DTNA: variants seen among roughly 807,000 people sequenced by gnomAD.
The protein encoded by DTNA is dystrobrevin alpha, also known as dystrophin-related protein 3.
A neutral mutation model predicts 100.7 loss-of-function variants in DTNA; 43 were observed. The ratio of observed to expected loss-of-function variants is 0.43; its 90% CI spans 0.33 to 0.55. DTNA has a LOEUF of 0.55. Among genes scored for constraint, DTNA ranks in the 20% least tolerant of loss-of-function variants. The pLI, the probability that DTNA is intolerant of heterozygous loss-of-function variation, is 0.04. For missense variants in DTNA, 798 were observed against 953.9 expected (o/e 0.84, Z 2.15); for synonymous variants, 349 against 347.9 (o/e 1.00, Z -0.04).
intron 1 of DTNA, among the ~76,000 whole-genome samples, chr18:34,664,009 GAT>G: frequency 6.6e-6 from 1 of 152,136 alleles, no homozygotes; most frequent in Non-Finnish European, 1.5e-5. Flanking sequence ...GAAGTTCATT[GAT>G]ATGTTTCAGA....
chr18:34,531,259 G>A (rs1344109662), intron 1 of DTNA, among the ~76,000 whole-genome samples: 1 of 152,038 alleles, frequency 6.6e-6, no homozygotes, highest in Non-Finnish European at 1.5e-5. Flanking sequence ...GTTGAGATAG[G>A]TAGAGGACTG....
intron 1 of DTNA, among the ~76,000 whole-genome samples, chr18:34,581,576 C>G (rs1049686120): frequency 1.3e-5 from 2 of 149,860 alleles, no homozygotes; most frequent in African/African-American, 4.9e-5. Flanking sequence ...GAACACTGCA[C>G]TGTAAATATG....
chr18:34,745,468 G>A, intron 1 of DTNA, among the ~76,000 whole-genome samples: 1 of 152,120 alleles, frequency 6.6e-6, no homozygotes, highest in East Asian at 1.9e-4. Flanking sequence ...ACAAACAATG[G>A]TTTAGAATTC....
At chr18:34,812,811 C>G (rs1346184346) in intron 6 of DTNA, among the ~76,000 whole-genome samples, 2 of 152,194 alleles carry the variant, frequency 1.3e-5, no homozygotes, top group Admixed American at 6.5e-5. Context: ...TTGTCTCACT[C>G]AGCCTCATGT....
intron 1 of DTNA, among the ~76,000 whole-genome samples, chr18:34,627,142 TGA>T (rs1385856422): frequency 5.3e-5 from 8 of 150,096 alleles, no homozygotes; most frequent in Non-Finnish European, 8.8e-5. Context: ...CGGATGAGTC[TGA>T]GAGTCAAAAA....
At chr18:34,801,045 C>G (rs1028411059) in intron 4 of DTNA, among the ~76,000 whole-genome samples, 3 of 152,128 alleles carry the variant, frequency 2.0e-5, no homozygotes, top group African/African-American at 7.2e-5. Flanking sequence ...ACATAAAACA[C>G]CCTACAAATC....
At chr18:34,807,475 T>C (rs1360576715) in intron 5 of DTNA, among the ~76,000 whole-genome samples, 1 of 152,196 alleles carries the variant, frequency 6.6e-6, no homozygotes, top group Non-Finnish European at 1.5e-5. Flanking sequence ...ACCTGCTGCC[T>C]GTCCTCTTCT....
chr18:34,810,562 G>C (rs1405905989), intron 5 of DTNA, among the ~76,000 whole-genome samples: 1 of 152,020 alleles, frequency 6.6e-6, no homozygotes, highest in Non-Finnish European at 1.5e-5. Context: ...TGGGGGGATA[G>C]GGAGAGGTTA....
chr18:34,629,782 G>C (rs2057828717), intron 1 of DTNA, among the ~76,000 whole-genome samples: 2 of 151,960 alleles, frequency 1.3e-5, no homozygotes, highest in Non-Finnish European at 2.9e-5. Context: ...ACAATGTCCT[G>C]AACCACCTTC....
intron 1 of DTNA, among the ~76,000 whole-genome samples, chr18:34,702,945 G>A (rs1421051120): frequency 6.6e-6 from 1 of 152,134 alleles, no homozygotes; most frequent in Non-Finnish European, 1.5e-5. Context: ...TGTTGACTGT[G>A]GTTGTTGGGA....
chr18:34,865,510 C>T (rs2150179315), intron 17 of DTNA, among the ~76,000 whole-genome samples: 1 of 152,294 alleles, frequency 6.6e-6, no homozygotes, highest in Admixed American at 6.5e-5. Flanking sequence ...CTTTACTCAA[C>T]AAAATTGACT....
Position 34,737,332 on chromosome 18 carries a change from T to C in DTNA, c.-1-18644T>C, listed in dbSNP as rs562168857. ...ATGTGTACAAAATTACTTTGTAAAG[T>C]GATTGTGAAGCCTCACCTAAGCGAA... On this transcript the variant is annotated intron_variant, in intron 1 of 22. Transcript: ENST00000444659. Among the ~76,000 whole-genome samples, 5 of 152,308 alleles carry C rather than the reference T, an allele frequency of 3.3e-5. No individual in the cohort carries two copies. The East Asian group carries it at 9.7e-4, about 29-fold the overall frequency.
Position 34,704,894 on chromosome 18 carries a change from C to T in DTNA, c.-1-51082C>T, listed in dbSNP as rs149806906. Reference sequence around the variant, plus strand: ...TTTTCAGAAATGTCCTTCCCTTTTCCCTTTAGCTGAGAGAGAATATATCCA... The same window carrying T: ...TTTTCAGAAATGTCCTTCCCTTTTCTCTTTAGCTGAGAGAGAATATATCCA... On this transcript the variant is annotated intron_variant, in intron 1 of 19. Coordinates refer to the DTNA transcript ENST00000283365. Among the ~76,000 whole-genome samples, 17 of 152,234 alleles carry T rather than the reference C, an allele frequency of 1.1e-4. No individual in the cohort carries two copies. The East Asian group carries it at 3.1e-3, about 28-fold the overall frequency.
At chr18:34,500,233 G>A (rs1225282344) in intron 1 of DTNA, among the ~76,000 whole-genome samples, 6 of 151,992 alleles carry the variant, frequency 3.9e-5, no homozygotes, top group African/African-American at 1.4e-4. Flanking sequence ...TTTTACCAGT[G>A]ATCTGTAGGT....
intron 2 of DTNA, among the ~76,000 whole-genome samples, chr18:34,763,855 TG>T (rs1383407781): frequency 6.6e-6 from 1 of 152,154 alleles, no homozygotes; most frequent in Non-Finnish European, 1.5e-5. Context: ...ATACCTGAAA[TG>T]GCTGTGGAGT....
rs60028935 is a variant in DTNA at position 34,516,593 on chromosome 18, C to G, written c.-2+23079C>G. ...ACAGACACTCCCAGAGCGGCCATTT[C>G]AGAGACCTCCCCCTAGGAACGCATT... On this transcript the variant is annotated intron_variant, in intron 1 of 19. Transcript: ENST00000283365. Among the ~76,000 whole-genome samples the G allele has an allele frequency of 1.5e-3, 223 of 152,230 alleles. 1 individual carries two copies. Among genetic ancestry groups the G allele is most frequent in the African/African-American group, 5.1e-3 (211 of 41,546 alleles).
intron 13 of DTNA, among the ~76,000 whole-genome samples, chr18:34,841,271 C>G (rs2096263228): frequency 6.6e-6 from 1 of 152,186 alleles, no homozygotes; most frequent in African/African-American, 2.4e-5. Context: ...TGCATCAACA[C>G]ACGCCTTTCA....
rs2096943112 is a variant in DTNA at position 34,888,654 on chromosome 18, A to C, written c.*920A>C. 1 of 985,716 alleles carries C rather than the reference A, an allele frequency of 1.0e-6. No homozygotes were observed. Among genetic ancestry groups the C allele is most frequent in the Non-Finnish European group, 1.2e-6 (1 of 829,942 alleles). The allele number at this position is 985,716 out of a possible 1,614,324, so 61.1% of individuals were successfully genotyped here. A position where few individuals can be genotyped will look rare whatever the true frequency, so the allele number is the denominator to read the frequency against. On this transcript the variant is annotated 3_prime_UTR_variant, in exon 23 of 23. Transcript: ENST00000444659. ...CTATGTTTTGAAATACTCGTTACTA[A>C]AGCTGTTTATAAACCACAGGTGCCA...
chr18:34,591,308 G>A (rs2049698218), intron 1 of DTNA, among the ~76,000 whole-genome samples: 1 of 152,160 alleles, frequency 6.6e-6, no homozygotes, highest in Admixed American at 6.5e-5. Flanking sequence ...TGCCTGAAAA[G>A]AAGCGTATTT....
Sources: allele counts gnomAD v4.1 joint callset (sites outside exome capture counted in the v4.1 genomes callset), GRCh38; gene constraint gnomAD v4.1.1; transcripts MANE v1.5; gene names NCBI Gene and HGNC (gene_info 2026-07-23, HGNC 2026-07-21).